Variants in INCA1 observed in about 807,000 individuals in gnomAD.
INCA1 encodes the protein inhibitor of CDK, cyclin A1 interacting protein 1, also known as protein INCA1.
A neutral mutation model predicts 25.7 loss-of-function variants in INCA1; 28 were observed. The observed-to-expected ratio is 1.09, with a 90% CI of 0.81 to 1.49. INCA1 has a LOEUF of 1.49. Among genes scored for constraint, INCA1 ranks in the 40% most tolerant of loss-of-function variants. The pLI is 0.00. For missense variants in INCA1, 309 were observed against 290.9 expected (o/e 1.06, Z -0.45); for synonymous variants, 111 against 103.6 (o/e 1.07, Z -0.43).
At chr17:4,996,051 A>T (rs1010324250) in intron 1 of INCA1, 1 of 152,090 alleles carries the variant, frequency 6.6e-6, no homozygotes, top group Admixed American at 6.5e-5. Context: ...GCATATAGGG[A>T]CAGCCAAAGA....
chr17:4,995,032 C>A (rs1446500918), intron 1 of INCA1, among the ~76,000 whole-genome samples: 3 of 151,864 alleles, frequency 2.0e-5, no homozygotes, highest in Non-Finnish European at 4.4e-5. Context: ...ATGGAGAAAC[C>A]CCGTCTCTAC....
At chr17:4,990,171 T>C (rs751977900) in exon 3 of INCA1, 1 of 1,614,216 alleles carries the variant, frequency 6.2e-7, no homozygotes. Context: ...TGATTAAGGT[T>C]CTTCCAGAAG....
At chr17:4,989,661 G>C (rs754326934) in intron 4 of INCA1, 37 bp from the exon 5 acceptor site, 2 of 1,606,496 alleles carry the variant, frequency 1.2e-6, no homozygotes, top group Non-Finnish European at 8.5e-7. Flanking sequence ...CTAGAAAGAA[G>C]AACTGGCTCT....
intron 1 of INCA1, among the ~76,000 whole-genome samples, chr17:4,994,873 A>T (rs1567713249): frequency 6.6e-6 from 1 of 151,866 alleles, no homozygotes; most frequent in Admixed American, 6.6e-5. Flanking sequence ...GAGAATGGAA[A>T]AAGAATGTAT....
chr17:4,993,426 A>AC (rs1974009334), intron 2 of INCA1, among the ~76,000 whole-genome samples: 1 of 151,812 alleles, frequency 6.6e-6, no homozygotes, highest in Non-Finnish European at 1.5e-5. Flanking sequence ...TGATCTGCCC[A>AC]CCTCAGCCTT....
At chr17:4,989,950 G>A in intron 3 of INCA1, 21 bp from the exon 4 acceptor site, 11 of 1,614,108 alleles carry the variant, frequency 6.8e-6, no homozygotes, top group Non-Finnish European at 9.3e-6. Flanking sequence ...CAAAAAGGGG[G>A]CTATAAGTGC....
At chr17:4,989,979 C>A (rs144457118) in intron 3 of INCA1, 50 bp from the exon 4 acceptor site, 2 of 1,612,870 alleles carry the variant, frequency 1.2e-6, no homozygotes, top group Admixed American at 3.3e-5. Flanking sequence ...CATGTCCATC[C>A]ATATTGCTTC....
exon 3 of INCA1, chr17:4,990,205 G>A: frequency 6.2e-7 from 1 of 1,614,198 alleles, no homozygotes; most frequent in Non-Finnish European, 8.5e-7. Flanking sequence ...GCTGGGGCAT[G>A]GGTCTGAGGC....
intron 2 of INCA1, among the ~76,000 whole-genome samples, chr17:4,991,418 G>C (rs1973867135): frequency 6.6e-6 from 1 of 152,162 alleles, no homozygotes; most frequent in African/African-American, 2.4e-5. Context: ...CAAGGATCCA[G>C]GGGAGAGAAC....
intron 1 of INCA1, among the ~76,000 whole-genome samples, chr17:4,995,203 C>CAA (rs747828645): frequency 1.6e-5 from 2 of 123,568 alleles, no homozygotes; most frequent in African/African-American, 3.0e-5. Context: ...GACTCTGTCT[C>CAA]AAAAAAAAAA....
At chr17:4,988,178 G>T (rs1973491717), downstream of INCA1, 3 of 460,768 alleles carry the variant, frequency 6.5e-6, no homozygotes, top group Non-Finnish European at 7.6e-6. Context: ...ACAAGGCCAG[G>T]AGCGGGGCCT....
intron 2 of INCA1, among the ~76,000 whole-genome samples, chr17:4,993,550 G>A (rs1484771022): frequency 7.5e-6 from 1 of 133,980 alleles, no homozygotes; most frequent in African/African-American, 2.8e-5. Context: ...CTCATTGCAA[G>A]GTCCGCCTCC....
At chr17:4,988,503 T>C in exon 7 of INCA1, 15 of 1,614,036 alleles carry the variant, frequency 9.3e-6, no homozygotes, top group Non-Finnish European at 1.2e-5. Context: ...TGCAGCTGCC[T>C]GGAGGCACAA....
Position 4,994,274 on chromosome 17 carries a change from C to T in INCA1, c.44+120G>A, listed in dbSNP as rs1974074701. On this transcript the variant is annotated intron_variant, in intron 2 of 6. Coordinates refer to ENST00000576820, the Ensembl canonical transcript of INCA1. ...TGAATAAATTAATGAATCATCAATC[C>T]CCTGAGACCAGGCATTGCATTTCCC... The T allele has an allele frequency of 3.4e-6, 3 of 875,642 alleles. 1 individual carries two copies. The highest frequency in any genetic ancestry group is 5.6e-6 in the Non-Finnish European group (3 of 532,666). 54.2% of individuals were successfully genotyped at this position (875,642 alleles called of 1,614,324 possible).
At chr17:4,995,329 T>C (rs577911674) in intron 1 of INCA1, among the ~76,000 whole-genome samples, 1 of 152,294 alleles carries the variant, frequency 6.6e-6, no homozygotes, top group East Asian at 1.9e-4. Context: ...TGAAGCTAAA[T>C]GTGCAGAATA....
At chr17:4,989,207 CA>C (rs1158802171) in intron 5 of INCA1, among the ~76,000 whole-genome samples, 2 of 152,190 alleles carry the variant, frequency 1.3e-5, no homozygotes, top group Admixed American at 1.3e-4. Context: ...CCACTCCTTC[CA>C]GCTCATGTGG....
At chr17:4,994,363 C>T (rs1420525006) in intron 2 of INCA1, 31 bp downstream of exon 2, 7 of 1,610,282 alleles carry the variant, frequency 4.3e-6, no homozygotes, top group African/African-American at 1.3e-5. Context: ...CCATCCCATC[C>T]CCATGCTCCC....
chr17:4,988,419 C>T, exon 7 of INCA1: 1 of 1,606,692 alleles, frequency 6.2e-7, no homozygotes, highest in Admixed American at 1.7e-5. Context: ...TCTTCAGACG[C>T]TGCCAACTCC....
intron 2 of INCA1, 121 bp downstream of exon 2, chr17:4,994,273 C>G: frequency 1.2e-6 from 1 of 866,096 alleles, no homozygotes; most frequent in Non-Finnish European, 1.9e-6. Context: ...AATCATCAAT[C>G]CCCTGAGACC....
Sources: gnomAD v4.1 joint callset for allele counts (sites outside exome capture counted in the v4.1 genomes callset) on GRCh38, gnomAD v4.1.1 for gene constraint, MANE v1.5 for transcripts, NCBI Gene and HGNC (gene_info 2026-07-23, HGNC 2026-07-21) for gene names.